DAD1: variants seen among roughly 807,000 people sequenced by gnomAD.
The protein encoded by DAD1 is dolichyl-diphosphooligosaccharide--protein glycosyltransferase subunit DAD1.
In DAD1, 4 loss-of-function variants were observed where a neutral mutation model predicts 9.0. That is an observed-to-expected ratio of 0.44 (90% CI 0.22 to 1.01). The LOEUF (loss-of-function observed/expected upper bound fraction) is 1.01, where lower values mean the gene tolerates loss of function less well. DAD1 is among the 50% of genes least tolerant of loss of function. The pLI is 0.24. For missense variants in DAD1, 119 were observed against 137.3 expected, an observed-to-expected ratio of 0.87 and a Z score of 0.67; for synonymous variants, 60 against 62.5, an observed-to-expected ratio of 0.96 and a Z score of 0.19.
intron 2 of DAD1, among the ~76,000 whole-genome samples, chr14:22,574,482 G>C (rs1272416518): frequency 6.6e-6 from 1 of 152,182 alleles, no homozygotes; most frequent in Non-Finnish European, 1.5e-5. Context: ...GGAGAAGGGA[G>C]AAAGAACTCT....
chr14:22,589,132 A>G lies in DAD1; in HGVS notation c.26T>C (p.Ile9Thr). The G allele has an allele frequency of 6.2e-7, 1 of 1,614,216 alleles. No homozygotes were observed. The highest frequency in any genetic ancestry group is 8.5e-7 in the Non-Finnish European group (1 of 1,180,040). Reference protein sequence around the residue: MSASVVSVISRFLEEYLSS... With the variant: MSASVVSVTSRFLEEYLSS... ...CAAGTACTCTTCTAAGAACCGCGAA[A>G]TGACAGACACTACCGACGCCGACAT... The change falls in exon 1 of 3, where the codon ATT (isoleucine) becomes ACT (threonine). Residue 9 changes from isoleucine (I) to threonine (T), a missense_variant. Transcript: ENST00000250498.
rs143996420 is a variant in DAD1, at chr14:22,573,447, G to C, written c.*44+1612C>G. Among the ~76,000 whole-genome samples the C allele has an allele frequency of 7.7e-3, 1,167 of 152,172 alleles. 6 individuals carry two copies. Among genetic ancestry groups the C allele is most frequent in the Non-Finnish European group, 0.013 (903 of 68,002 alleles). On this transcript the variant is annotated intron_variant, in intron 2 of 2. Coordinates refer to ENST00000250498, the MANE Select transcript of DAD1 (RefSeq NM_001344.4). The stretch of plus-strand genomic sequence containing the variant: ...AATTGTATTAAAATAACAGAACAAA[G>C]TGGTTCTTAAAAGTTTTTCACTGTT...
chr14:22,572,480 T>C (rs1362552897), intron 2 of DAD1, among the ~76,000 whole-genome samples: 1 of 152,234 alleles, frequency 6.6e-6, no homozygotes, highest in Non-Finnish European at 1.5e-5. Flanking sequence ...AAGATTTTTC[T>C]ATGAACATAC....
At position 22,565,081 on chromosome 14, in the gene DAD1, T is replaced by C; in HGVS notation, c.*101A>G. The C allele has an allele frequency of 1.4e-6, 1 of 701,682 alleles. No individual in the cohort carries two copies. Among genetic ancestry groups the C allele is most frequent in the Non-Finnish European group, 2.6e-6 (1 of 384,576 alleles). The allele number at this position is 701,682 out of a possible 1,614,324, so 43.5% of individuals were successfully genotyped here. Reference sequence around the variant, plus strand: ...TAAGTGCAAATCTGAAGAAAATCCATGTGTCCAATAAGCTGCCATCTCCAG... The same window carrying C: ...TAAGTGCAAATCTGAAGAAAATCCACGTGTCCAATAAGCTGCCATCTCCAG... On this transcript the variant is annotated 3_prime_UTR_variant, in exon 3 of 3. Coordinates refer to ENST00000250498, the MANE Select transcript of DAD1 (RefSeq NM_001344.4).
At chr14:22,575,616 C>T (rs1484048000) in intron 1 of DAD1, among the ~76,000 whole-genome samples, 1 of 152,174 alleles carries the variant, frequency 6.6e-6, no homozygotes, top group Admixed American at 6.5e-5. Flanking sequence ...GGCATGATCT[C>T]GGCTCACTGC....
chr14:22,569,733 C>T (rs1413865800), intron 2 of DAD1, among the ~76,000 whole-genome samples: 2 of 152,148 alleles, frequency 1.3e-5, no homozygotes, highest in Non-Finnish European at 2.9e-5. Context: ...TCTTTGGTAG[C>T]CTTAAATACA....
intron 1 of DAD1, 63 bp from the exon 2 acceptor site, chr14:22,575,296 AAC>A: frequency 9.6e-6 from 15 of 1,567,992 alleles, no homozygotes; most frequent in South Asian, 2.3e-5. Flanking sequence ...TATGCTAATG[AAC>A]ACAGACATAC....
intron 1 of DAD1, among the ~76,000 whole-genome samples, chr14:22,583,956 G>A (rs1273863943): frequency 2.0e-5 from 3 of 152,094 alleles, no homozygotes; most frequent in Non-Finnish European, 4.4e-5. Context: ...AGTGATTTAT[G>A]AAGCCTACTT....
At position 22,575,040 on chromosome 14, in the gene DAD1, G is replaced by A; in HGVS notation, c.*44+19C>T. 1 of 1,586,838 alleles carries A rather than the reference G, an allele frequency of 6.3e-7. No individual in the cohort carries two copies. Among genetic ancestry groups the A allele is most frequent in the Admixed American group, 1.7e-5 (1 of 58,398 alleles). On this transcript the variant is annotated intron_variant, in intron 2 of 2. Transcript: ENST00000250498. ...CCTAAAATCAACATTATAGGACAAGGACTATGATCATCACTTACATTCTTT... is the reference window on the plus strand; with the variant it reads ...CCTAAAATCAACATTATAGGACAAGAACTATGATCATCACTTACATTCTTT...
intron 1 of DAD1, among the ~76,000 whole-genome samples, chr14:22,582,346 C>T (rs2037122874): frequency 6.8e-6 from 1 of 147,674 alleles, no homozygotes; most frequent in Non-Finnish European, 1.5e-5. Flanking sequence ...GACCCATCTC[C>T]ACTAAAAAAT....
chr14:22,581,452 A>AG (rs1406496875), intron 1 of DAD1, among the ~76,000 whole-genome samples: 3 of 152,170 alleles, frequency 2.0e-5, no homozygotes, highest in African/African-American at 7.2e-5. Context: ...TATAAACACA[A>AG]GGACAGACGC....
intron 2 of DAD1, among the ~76,000 whole-genome samples, chr14:22,570,537 C>G (rs1296491670): frequency 6.6e-6 from 1 of 152,164 alleles, no homozygotes; most frequent in Non-Finnish European, 1.5e-5. Context: ...TTGTAGTAGC[C>G]GCTCAACACA....
chr14:22,581,154 G>A (rs1306719688), intron 1 of DAD1, among the ~76,000 whole-genome samples: 3 of 152,130 alleles, frequency 2.0e-5, no homozygotes, highest in African/African-American at 7.2e-5. Flanking sequence ...TAGGAATATG[G>A]CACAGAACAA....
At chr14:22,575,829 G>A (rs761063586) in intron 1 of DAD1, among the ~76,000 whole-genome samples, 1 of 152,158 alleles carries the variant, frequency 6.6e-6, no homozygotes, top group South Asian at 2.1e-4. Flanking sequence ...TTACAGGCAT[G>A]AGCCACCGTG....
At chr14:22,585,237 C>T (rs1255297838) in intron 1 of DAD1, among the ~76,000 whole-genome samples, 1 of 152,178 alleles carries the variant, frequency 6.6e-6, no homozygotes, top group Non-Finnish European at 1.5e-5. Flanking sequence ...GACAAAATTA[C>T]CTCATATAGA....
intron 2 of DAD1, among the ~76,000 whole-genome samples, chr14:22,574,353 G>C (rs558448409): frequency 6.6e-6 from 1 of 152,032 alleles, no homozygotes; most frequent in African/African-American, 2.4e-5. Flanking sequence ...TTTAGGGGAG[G>C]GCGTACCATA....
chr14:22,587,209 C>T (rs1415948994), intron 1 of DAD1, among the ~76,000 whole-genome samples: 1 of 152,218 alleles, frequency 6.6e-6, no homozygotes, highest in African/African-American at 2.4e-5. Flanking sequence ...AAACCACATT[C>T]TTCAAAGCAT....
chr14:22,584,934 G>A (rs1433424208), intron 1 of DAD1, among the ~76,000 whole-genome samples: 1 of 152,242 alleles, frequency 6.6e-6, no homozygotes, highest in African/African-American at 2.4e-5. Flanking sequence ...CTTCATAAGA[G>A]ATATTGAGAG....
chr14:22,589,017 G>A lies in DAD1; in HGVS notation c.141C>T (p.Leu47=), dbSNP rs749108881. The change falls in exon 1 of 3, where the codon CTC becomes CTT. Residue 47 remains leucine, a synonymous_variant. Transcript: ENST00000250498. ...TGALQFGYCL[L]VGTFPFNSFL... is the part of the protein sequence containing the mutation. The stretch of plus-strand genomic sequence containing the variant: ...AAGAGTTGAAGGGGAAGGTCCCCAC[G>A]AGGAGACAGTAACCGAACTGCAGCG... 5.0e-6 allele frequency: 8 copies of A among 1,614,088 alleles called. No individual in the cohort carries two copies. Among genetic ancestry groups the A allele is most frequent in the African/African-American group, 1.3e-5 (1 of 74,920 alleles).
Sources: allele counts gnomAD v4.1 joint callset (sites outside exome capture counted in the v4.1 genomes callset), GRCh38; gene constraint gnomAD v4.1.1; transcripts MANE v1.5; gene names NCBI Gene and HGNC (gene_info 2026-07-23, HGNC 2026-07-21).